NLK: variants seen among roughly 807,000 people sequenced by gnomAD.
NLK encodes the protein nemo like kinase, also known as serine/threonine-protein kinase NLK.
A neutral mutation model predicts 59.0 loss-of-function variants in NLK; 11 were observed. The ratio of observed to expected loss-of-function variants is 0.19; its 90% CI spans 0.12 to 0.31. NLK has a LOEUF of 0.31. NLK is among the 10% of genes least tolerant of loss of function. The pLI is 1.00. For missense variants in NLK, 410 were observed against 661.1 expected (o/e 0.62, Z 4.16); for synonymous variants, 235 against 235.9 (o/e 1.00, Z 0.03).
intron 3 of NLK, among the ~76,000 whole-genome samples, chr17:28,160,530 G>A (rs1907964201): frequency 1.3e-5 from 2 of 152,114 alleles, no homozygotes; most frequent in Admixed American, 1.3e-4. Context: ...TGTCCATTCA[G>A]CAAAACCCTA....
At chr17:28,091,493 A>G (rs1904492941) in intron 1 of NLK, among the ~76,000 whole-genome samples, 2 of 151,120 alleles carry the variant, frequency 1.3e-5, no homozygotes, top group South Asian at 2.1e-4. Flanking sequence ...ATATATATAC[A>G]CACACACATA....
chr17:28,062,863 G>A (rs188841759), intron 1 of NLK, among the ~76,000 whole-genome samples: 14 of 152,232 alleles, frequency 9.2e-5, no homozygotes, highest in African/African-American at 3.4e-4. Context: ...TTACAGGCGT[G>A]AGCCACTGCA....
At chr17:28,144,702 T>A (rs1907167089) in intron 3 of NLK, among the ~76,000 whole-genome samples, 1 of 152,234 alleles carries the variant, frequency 6.6e-6, no homozygotes. Flanking sequence ...ATTTATTTGA[T>A]CTTTTTTGTC....
At chr17:28,177,789 C>T (rs959224995) in intron 7 of NLK, among the ~76,000 whole-genome samples, 3 of 152,190 alleles carry the variant, frequency 2.0e-5, no homozygotes, top group African/African-American at 7.2e-5. Flanking sequence ...TTCCTCATAT[C>T]AAGAGGTTTC....
intron 1 of NLK, among the ~76,000 whole-genome samples, chr17:28,049,839 G>A (rs1346405936): frequency 3.3e-5 from 5 of 152,148 alleles, no homozygotes; most frequent in Admixed American, 1.3e-4. Flanking sequence ...AATTAGCTAG[G>A]TGTGGTGGCA....
At chr17:28,065,681 G>A (rs1909801258) in intron 1 of NLK, among the ~76,000 whole-genome samples, 1 of 152,128 alleles carries the variant, frequency 6.6e-6, no homozygotes, top group East Asian at 1.9e-4. Flanking sequence ...CTCCTAGTGT[G>A]GACCCAAACT....
At chr17:28,144,305 A>AT (rs982195939) in intron 3 of NLK, among the ~76,000 whole-genome samples, 12 of 143,812 alleles carry the variant, frequency 8.3e-5, no homozygotes, top group African/African-American at 3.1e-4. Flanking sequence ...CAACAGCTGG[A>AT]TTTTTTTTCC....
intron 1 of NLK, 68 bp downstream of exon 1, chr17:28,043,399 C>T (rs966121615): frequency 7.6e-7 from 1 of 1,315,824 alleles, no homozygotes; most frequent in Non-Finnish European, 1.0e-6. Context: ...ATGAGTCCAT[C>T]TCTAATGGTT....
chr17:28,127,937 G>A (rs1022611122), intron 2 of NLK, among the ~76,000 whole-genome samples: 1 of 152,072 alleles, frequency 6.6e-6, no homozygotes, highest in Non-Finnish European at 1.5e-5. Context: ...TAATGGAACA[G>A]AATAGAAAGT....
intron 1 of NLK, among the ~76,000 whole-genome samples, chr17:28,062,468 T>C (rs1437852451): frequency 6.6e-6 from 1 of 152,230 alleles, no homozygotes; most frequent in Non-Finnish European, 1.5e-5. Flanking sequence ...GTACAGTGTT[T>C]TAAGAAAACA....
intron 3 of NLK, among the ~76,000 whole-genome samples, chr17:28,154,668 AAAGTAT>A (rs980469019): frequency 6.6e-5 from 10 of 152,216 alleles, no homozygotes; most frequent in African/African-American, 2.4e-4. Flanking sequence ...AAACTTTTTT[AAAGTAT>A]ATGTAATATC....
intron 3 of NLK, among the ~76,000 whole-genome samples, chr17:28,149,296 G>A (rs758186603): frequency 5.3e-5 from 8 of 152,066 alleles, no homozygotes; most frequent in Non-Finnish European, 7.4e-5. Flanking sequence ...ACTTCTGGCC[G>A]TAAGCAATCT....
At chr17:28,125,860 C>G (rs958734102) in intron 2 of NLK, among the ~76,000 whole-genome samples, 1 of 152,084 alleles carries the variant, frequency 6.6e-6, no homozygotes, top group Non-Finnish European at 1.5e-5. Flanking sequence ...AGGAGATATG[C>G]TAGATACTTT....
intron 1 of NLK, among the ~76,000 whole-genome samples, chr17:28,111,745 GT>G (rs958518250): frequency 1.8e-4 from 27 of 151,292 alleles, no homozygotes. Flanking sequence ...ATTTTGTTTT[GT>G]TTTTTTTAAT....
chr17:28,072,394 C>T (rs1488496533), intron 1 of NLK, among the ~76,000 whole-genome samples: 2 of 148,318 alleles, frequency 1.3e-5, no homozygotes, highest in East Asian at 2.0e-4. Context: ...TGTGCGGTTA[C>T]GGCTCACTGC....
intron 1 of NLK, among the ~76,000 whole-genome samples, chr17:28,073,020 A>C (rs1302143736): frequency 2.0e-5 from 3 of 151,292 alleles, no homozygotes; most frequent in Non-Finnish European, 4.4e-5. Context: ...GCAGGGTATT[A>C]GATTTTTTTT....
chr17:28,112,964 G>A (rs1905589875), intron 1 of NLK, among the ~76,000 whole-genome samples: 1 of 152,020 alleles, frequency 6.6e-6, no homozygotes, highest in African/African-American at 2.4e-5. Context: ...GAATGAATTT[G>A]GCACAGGGAG....
rs1908937891 is a variant in NLK, at chr17:28,043,345, G to A, written c.458+14G>A. 1 of 1,518,670 alleles carries A rather than the reference G, an allele frequency of 6.6e-7. No homozygotes were observed. The highest frequency in any genetic ancestry group is 8.8e-7 in the Non-Finnish European group (1 of 1,131,436). The allele number at this position is 1,518,670 out of a possible 1,614,324, so 94.1% of individuals were successfully genotyped here. A position where few individuals can be genotyped will look rare whatever the true frequency, so the allele number is the denominator to read the frequency against. ...TGGTGTTGTCTGGTGAGTATCCAAA[G>A]AAAAACACAACCTCTCATGGTTTCT... is the stretch of plus-strand genomic sequence containing the variant. On this transcript the variant is annotated intron_variant, in intron 1 of 10. Transcript: ENST00000407008.
At chr17:28,161,677 G>C (rs879291658) in intron 4 of NLK, among the ~76,000 whole-genome samples, 1 of 152,194 alleles carries the variant, frequency 6.6e-6, no homozygotes, top group Non-Finnish European at 1.5e-5. Flanking sequence ...GGGCCTGTCT[G>C]AGTATTGGCT....
Sources: gnomAD v4.1 joint callset for allele counts (sites outside exome capture counted in the v4.1 genomes callset) on GRCh38, gnomAD v4.1.1 for gene constraint, MANE v1.5 for transcripts, NCBI Gene and HGNC (gene_info 2026-07-23, HGNC 2026-07-21) for gene names.